Variants in TENM2 observed in about 807,000 individuals in gnomAD.
TENM2 encodes the protein teneurin-2.
Under a neutral mutation model 245.2 loss-of-function variants are expected in TENM2, and 52 were observed. The observed-to-expected ratio is 0.21, with a 90% CI of 0.17 to 0.27. TENM2 has a LOEUF of 0.27. Ranked by LOEUF, TENM2 falls within the 10% of genes least tolerant of loss-of-function variation. TENM2 has a pLI of 1.00. For missense variants in TENM2, 3,046 were observed against 3,666.8 expected, an observed-to-expected ratio of 0.83 and a Z score of 4.37; for synonymous variants, 1,363 against 1,438.9, an observed-to-expected ratio of 0.95 and a Z score of 1.19.
At chr5:167,441,360 T>C (rs927208323) in intron 2 of TENM2, among the ~76,000 whole-genome samples, 2 of 152,256 alleles carry the variant, frequency 1.3e-5, no homozygotes, top group Non-Finnish European at 2.9e-5. Context: ...TAGCCAAAGC[T>C]GATAATTTTG....
chr5:167,898,484 G>T (rs902096327), intron 3 of TENM2, among the ~76,000 whole-genome samples: 8 of 152,134 alleles, frequency 5.3e-5, no homozygotes, highest in Non-Finnish European at 7.3e-5. Context: ...TGTAAATGCC[G>T]GGATGCCAAC....
chr5:167,109,452 C>G, the TENM2 span, among the ~76,000 whole-genome samples: 1 of 151,884 alleles, frequency 6.6e-6, no homozygotes, highest in Non-Finnish European at 1.5e-5. Context: ...TTTAAAATAT[C>G]CTCAGCATTA....
At chr5:167,224,414 G>T in the TENM2 span, among the ~76,000 whole-genome samples, 1 of 151,822 alleles carries the variant, frequency 6.6e-6, no homozygotes, top group African/African-American at 2.4e-5. Flanking sequence ...TATGATTATT[G>T]AGTTTCCCAA....
At chr5:167,856,779 A>G (rs965147407) in intron 2 of TENM2, among the ~76,000 whole-genome samples, 1 of 152,224 alleles carries the variant, frequency 6.6e-6, no homozygotes, top group Non-Finnish European at 1.5e-5. Flanking sequence ...CCTACTTCCC[A>G]CTGAATGCCA....
intron 14 of TENM2, chr5:168,190,799 C>T (rs1270935040): frequency 2.3e-5 from 8 of 353,444 alleles, no homozygotes; most frequent in Non-Finnish European, 4.1e-5. Flanking sequence ...CTGTTGATTC[C>T]CTGGTTTTTA....
At chr5:168,039,668 A>G (rs1788013798) in intron 5 of TENM2, among the ~76,000 whole-genome samples, 1 of 152,264 alleles carries the variant, frequency 6.6e-6, no homozygotes, top group Non-Finnish European at 1.5e-5. Flanking sequence ...CTTGGTGGAC[A>G]ATAGGATGCC....
the TENM2 span, among the ~76,000 whole-genome samples, chr5:167,216,358 A>G: frequency 2.0e-3 from 310 of 152,308 alleles, 1 homozygote; most frequent in African/African-American, 7.0e-3. Context: ...GAGTCTTTCA[A>G]TCTTGAGTCA....
At chr5:168,052,408 A>C (rs78466838) in intron 6 of TENM2, among the ~76,000 whole-genome samples, 1 of 151,250 alleles carries the variant, frequency 6.6e-6, no homozygotes, top group South Asian at 2.1e-4. Flanking sequence ...ACACACACCC[A>C]CACACACACA....
chr5:167,318,519 C>A lies in TENM2; in HGVS notation c.226+33456C>A, dbSNP rs114074139. ...ATTATAACTATCTCAGTGATTAAAG[C>A]ATCTTCTTTTCATCTATAAATATCA... On this transcript the variant is annotated intron_variant, in intron 1 of 28. Coordinates refer to ENST00000518659, the Ensembl canonical transcript of TENM2. 2.4e-3 allele frequency among the ~76,000 whole-genome samples: 365 copies of A among 151,864 alleles called. 2 individuals carry two copies. Among genetic ancestry groups the A allele is most frequent in the African/African-American group, 8.5e-3 (354 of 41,416 alleles).
intron 3 of TENM2, among the ~76,000 whole-genome samples, chr5:167,879,657 C>T (rs1210855670): frequency 6.6e-6 from 1 of 152,160 alleles, no homozygotes; most frequent in Non-Finnish European, 1.5e-5. Flanking sequence ...TTTCCTCTAC[C>T]TGTGAAACAT....
intron 9 of TENM2, among the ~76,000 whole-genome samples, chr5:168,115,814 T>C (rs1158861297): frequency 6.6e-6 from 1 of 152,196 alleles, no homozygotes; most frequent in Non-Finnish European, 1.5e-5. Flanking sequence ...CAACTCTGCC[T>C]GCTTGCCGGT....
At chr5:167,729,001 C>T (rs1371247251) in intron 2 of TENM2, 1 of 152,232 alleles carries the variant, frequency 6.6e-6, no homozygotes, top group Non-Finnish European at 1.5e-5. Flanking sequence ...CAGCATGTTT[C>T]CAGTGATAAC....
chr5:167,730,006 CT>C (rs2150552615), intron 2 of TENM2, among the ~76,000 whole-genome samples: 1 of 152,232 alleles, frequency 6.6e-6, no homozygotes, highest in Non-Finnish European at 1.5e-5. Flanking sequence ...ATTGCGTCTC[CT>C]TGATAAGATA....
At chr5:167,969,803 C>T (rs1281978875) in intron 4 of TENM2, among the ~76,000 whole-genome samples, 1 of 152,226 alleles carries the variant, frequency 6.6e-6, no homozygotes, top group Non-Finnish European at 1.5e-5. Context: ...GATTGAGTCT[C>T]ATGGAATCCA....
At chr5:168,110,774 T>C (rs1446463150) in intron 9 of TENM2, among the ~76,000 whole-genome samples, 1 of 152,222 alleles carries the variant, frequency 6.6e-6, no homozygotes, top group African/African-American at 2.4e-5. Flanking sequence ...ATGTAATTAA[T>C]GCTGTTCAGT....
chr5:168,148,921 T>TA (rs1562217687), intron 12 of TENM2, among the ~76,000 whole-genome samples: 22 of 122,666 alleles, frequency 1.8e-4, no homozygotes, highest in South Asian at 4.9e-4. Flanking sequence ...ATAGATAGAT[T>TA]GATAGATAGC....
chr5:167,894,972 AGGAAGGAAGGAAGGAAGGAG>A (rs1337402944), intron 3 of TENM2, among the ~76,000 whole-genome samples: 5 of 121,026 alleles, frequency 4.1e-5, no homozygotes, highest in East Asian at 3.0e-4. Context: ...GAAGGAAGGA[AGGAAGGAAGGAAGGAAGGAG>A]GGAAGGAAGG....
At chr5:167,863,026 A>G (rs1167649981) in intron 2 of TENM2, among the ~76,000 whole-genome samples, 4 of 152,200 alleles carry the variant, frequency 2.6e-5, no homozygotes, top group Non-Finnish European at 5.9e-5. Flanking sequence ...GTAGCCATAC[A>G]ATGCTTAATT....
In TENM2 at chr5:167,524,203, A is replaced by G. The variant is rs139771918; in HGVS notation, c.502+148730A>G. On this transcript the variant is annotated intron_variant, in intron 2 of 28. Coordinates refer to ENST00000518659, the Ensembl canonical transcript of TENM2. ...ATAAACTGTGTATTTCTTTAATACAAAGGGAGAAAATTGTTGCAGGTGCCC... is the reference window on the plus strand; with the variant it reads ...ATAAACTGTGTATTTCTTTAATACAGAGGGAGAAAATTGTTGCAGGTGCCC... Among the ~76,000 whole-genome samples, 229 of 152,292 alleles carry G rather than the reference A, an allele frequency of 1.5e-3. 2 individuals are homozygous for G. Among genetic ancestry groups the G allele is most frequent in the African/African-American group, 5.1e-3 (211 of 41,562 alleles).
Sources: allele counts gnomAD v4.1 joint callset (sites outside exome capture counted in the v4.1 genomes callset), GRCh38; gene constraint gnomAD v4.1.1; transcripts MANE v1.5; gene names NCBI Gene and HGNC (gene_info 2026-07-23, HGNC 2026-07-21).